Variants in DYNC2H1 observed in about 807,000 individuals in gnomAD.
DYNC2H1 encodes cytoplasmic dynein 2 heavy chain 1.
In DYNC2H1, 410 loss-of-function variants were observed where a neutral mutation model predicts 570.0. That is an observed-to-expected ratio of 0.72 (90% confidence interval 0.66 to 0.78). The LOEUF is 0.78. Among genes scored for constraint, DYNC2H1 ranks in the 30% least tolerant of loss-of-function variants. The pLI, the probability that DYNC2H1 is intolerant of heterozygous loss-of-function variation, is 0.00. For synonymous variants in DYNC2H1, 1,688 were observed against 1,677.6 expected (o/e 1.01, Z -0.15); for missense variants, 4,865 against 5,046.4 (o/e 0.96, Z 1.09).
intron 82 of DYNC2H1, among the ~76,000 whole-genome samples, chr11:103,337,997 G>A (rs943690621): frequency 6.6e-6 from 1 of 152,064 alleles, no homozygotes; most frequent in Non-Finnish European, 1.5e-5. Context: ...TCTTCTAGTA[G>A]TTTCACAGTT....
intron 84 of DYNC2H1, among the ~76,000 whole-genome samples, chr11:103,425,633 A>G (rs911795097): frequency 1.3e-5 from 2 of 152,136 alleles, no homozygotes; most frequent in Admixed American, 1.3e-4. Context: ...TGAGGTTTGA[A>G]TATTTGTTAA....
intron 85 of DYNC2H1, among the ~76,000 whole-genome samples, chr11:103,441,162 A>C (rs902090966): frequency 6.6e-6 from 1 of 152,022 alleles, no homozygotes; most frequent in Non-Finnish European, 1.5e-5. Context: ...TTCTAGCCAT[A>C]CTGGTCTTGC....
Position 103,205,701 on chromosome 11 carries a change from A to G in DYNC2H1, c.8454+737A>G, listed in dbSNP as rs1259559652. On this transcript the variant is annotated intron_variant, in intron 52 of 88. Transcript: ENST00000375735. This position sits in a 1 kb window ranked among gnomAD's most constrained non-coding sequence, Gnocchi z 4.5. ...GCAGACGAAAAAAAACCAGAGAGAA[A>G]TCCCTGCCCTCATGGTGTTTACATT... Among the ~76,000 whole-genome samples, 1 of 152,094 alleles carries G rather than the reference A, an allele frequency of 6.6e-6. No homozygotes were observed. Among genetic ancestry groups the G allele is most frequent in the Non-Finnish European group, 1.5e-5 (1 of 68,010 alleles).
At chr11:103,437,170 A>G (rs12807020) in intron 85 of DYNC2H1, among the ~76,000 whole-genome samples, 7,956 of 152,148 alleles carry the variant, frequency 0.052, 395 homozygotes, top group East Asian at 0.2. Context: ...CATAGAGAAA[A>G]TTCAAGCTGT....
At chr11:103,187,634 A>G (rs1184198719) in intron 43 of DYNC2H1, 48 bp downstream of exon 43, 1 of 1,583,314 alleles carries the variant, frequency 6.3e-7, no homozygotes. Flanking sequence ...AAACAATTTA[A>G]TTTCATTAAC....
At chr11:103,307,182 G>T (rs1179144583) in intron 77 of DYNC2H1, among the ~76,000 whole-genome samples, 2 of 152,282 alleles carry the variant, frequency 1.3e-5, no homozygotes, top group African/African-American at 2.4e-5. Context: ...AGCATGGGCA[G>T]ATGAATTTGT....
intron 47 of DYNC2H1, among the ~76,000 whole-genome samples, chr11:103,195,907 A>ATT (rs1862491273): frequency 6.6e-6 from 1 of 152,206 alleles, no homozygotes; most frequent in African/African-American, 2.4e-5. Flanking sequence ...TGTTAAAACA[A>ATT]TTGTAAGTGC....
intron 55 of DYNC2H1, among the ~76,000 whole-genome samples, chr11:103,219,274 C>A (rs887172765): frequency 1.3e-5 from 2 of 152,110 alleles, no homozygotes; most frequent in African/African-American, 4.8e-5. Flanking sequence ...AGATGTTCAA[C>A]CTCATCAATA....
intron 59 of DYNC2H1, among the ~76,000 whole-genome samples, chr11:103,230,848 A>G (rs554330124): frequency 6.6e-6 from 1 of 152,210 alleles, no homozygotes; most frequent in East Asian, 1.9e-4. Flanking sequence ...CTAGCCTGAG[A>G]AACAGAGTGA....
At chr11:103,139,165 T>C (rs1207891387) in intron 17 of DYNC2H1, among the ~76,000 whole-genome samples, 8 of 152,254 alleles carry the variant, frequency 5.3e-5, no homozygotes, top group East Asian at 1.9e-4. Flanking sequence ...AAAAAACCAG[T>C]TCCTGGATTC....
chr11:103,134,230 T>G, intron 14 of DYNC2H1, 91 bp from the exon 15 acceptor site: 1 of 1,072,968 alleles, frequency 9.3e-7, no homozygotes, highest in Non-Finnish European at 1.4e-6. Context: ...CTTGATCACT[T>G]GGTTAAGGTG....
chr11:103,331,386 G>T (rs189369126), intron 82 of DYNC2H1, among the ~76,000 whole-genome samples: 1 of 152,184 alleles, frequency 6.6e-6, no homozygotes, highest in East Asian at 1.9e-4. Flanking sequence ...ATTTTGTGGG[G>T]AGGGGTCCAT....
intron 75 of DYNC2H1, among the ~76,000 whole-genome samples, chr11:103,294,182 A>G (rs1866727863): frequency 6.6e-6 from 1 of 152,198 alleles, no homozygotes; most frequent in Admixed American, 6.5e-5. Context: ...GAGGTTACAT[A>G]TCTCTGTTAC....
In DYNC2H1 at chr11:103,204,803, A is replaced by C. The variant is rs192623275; in HGVS notation, c.8312-19A>C. 1.9e-6 allele frequency: 3 copies of C among 1,562,462 alleles called. No individual in the cohort carries two copies. Among genetic ancestry groups the C allele is most frequent in the African/African-American group, 1.4e-5 (1 of 73,376 alleles). Reference sequence around the variant, plus strand: ...GTATAGATTGCCTGATTGTATTATTATTCTTATATATTTCTTAGGAATTCA... The same window carrying C: ...GTATAGATTGCCTGATTGTATTATTCTTCTTATATATTTCTTAGGAATTCA... On this transcript the variant is annotated intron_variant, in intron 51 of 88. Coordinates refer to ENST00000375735, the MANE Select transcript of DYNC2H1 (RefSeq NM_001377.3). This position sits in a 1 kb window ranked among gnomAD's most constrained non-coding sequence, Gnocchi z 4.1.
At chr11:103,114,473 A>G (rs978354994) in intron 3 of DYNC2H1, among the ~76,000 whole-genome samples, 2 of 152,138 alleles carry the variant, frequency 1.3e-5, no homozygotes, top group Non-Finnish European at 2.9e-5. Flanking sequence ...GCATACCACT[A>G]TCCGCTGGCT....
chr11:103,367,654 G>A (rs549303259), intron 83 of DYNC2H1, among the ~76,000 whole-genome samples: 1 of 152,226 alleles, frequency 6.6e-6, no homozygotes, highest in South Asian at 2.1e-4. Flanking sequence ...CCCTATAGCT[G>A]TAGGGTACTG....
chr11:103,204,923 G>C lies in DYNC2H1; in HGVS notation c.8413G>C (p.Val2805Leu), dbSNP rs920188933. 3.8e-6 allele frequency: 6 copies of C among 1,593,344 alleles called. No individual in the cohort carries two copies. Among genetic ancestry groups the C allele is most frequent in the Non-Finnish European group, 5.1e-6 (6 of 1,168,702 alleles). The change falls in exon 52 of 89, where the codon GTG (valine) becomes CTG (leucine). Residue 2805 changes from valine to leucine, a missense_variant. Val to Leu is a conservative substitution (Grantham distance 32, BLOSUM62 1). Transcript: ENST00000375735. The surrounding 1 kb of genome is among the most constrained non-coding windows in gnomAD (Gnocchi z 4.1). ...TCCAGCTTTGCATAAGAAATGCCAG[G>C]TGTTGTGGATGGAGGGTTGGTCCAA... ...SNPALHKKCQ[V>L]LWMEGWSNSS...
rs1434647517 is a variant in DYNC2H1 at position 103,326,156 on chromosome 11, G to C, written c.12039+2166G>C. Among the ~76,000 whole-genome samples, 1 of 152,156 alleles carries C rather than the reference G, an allele frequency of 6.6e-6. No individual in the cohort carries two copies. The highest frequency in any genetic ancestry group is 1.5e-5 in the Non-Finnish European group (1 of 68,038). On this transcript the variant is annotated intron_variant, in intron 82 of 88. Transcript: ENST00000375735. This position sits in a 1 kb window ranked among gnomAD's most constrained non-coding sequence, Gnocchi z 6.1. The stretch of plus-strand genomic sequence containing the variant: ...CCAATAGATGGCGCTTAGGAGTAGT[G>C]GCTGGTAGATAGGCTCTTACTTAGC...
intron 84 of DYNC2H1, among the ~76,000 whole-genome samples, chr11:103,415,002 C>CATTGACTTTCTTCACAGA (rs1315068054): frequency 2.0e-5 from 3 of 152,120 alleles, no homozygotes; most frequent in Non-Finnish European, 4.4e-5. Context: ...ATCAAGCTAC[C>CATTGACTTTCTTCACAGA]ATTGACTTTC....
Sources: allele counts gnomAD v4.1 joint callset (sites outside exome capture counted in the v4.1 genomes callset), GRCh38; gene constraint gnomAD v4.1.1; non-coding constraint Gnocchi (gnomAD v3.1); transcripts MANE v1.5; gene names NCBI Gene and HGNC (gene_info 2026-07-23, HGNC 2026-07-21).